Variants in NFATC1 observed in about 807,000 individuals in gnomAD.
NFATC1 encodes nuclear factor of activated T cells 1, also known as nuclear factor of activated T-cells, cytoplasmic 1.
A neutral mutation model predicts 76.0 loss-of-function variants in NFATC1; 22 were observed. The ratio of observed to expected loss-of-function variants is 0.29; its 90% CI spans 0.21 to 0.41. NFATC1 has a LOEUF of 0.41. Among genes scored for constraint, NFATC1 ranks in the 10% least tolerant of loss-of-function variants. The probability of loss-of-function intolerance (pLI) is 1.00; values close to 1 mark genes in which losing one functional copy is unlikely to be tolerated. For synonymous variants in NFATC1, 704 were observed against 613.1 expected (o/e 1.15, Z -2.19); for missense variants, 1,357 against 1,337.7 (o/e 1.01, Z -0.23).
intron 1 of NFATC1, among the ~76,000 whole-genome samples, chr18:79,400,653 C>T (rs938919188): frequency 3.5e-5 from 5 of 142,806 alleles, no homozygotes; most frequent in African/African-American, 1.3e-4. Context: ...GGCTCGGATG[C>T]GGTTCCTCCG....
At chr18:79,406,621 C>T (rs375916632) in intron 1 of NFATC1, among the ~76,000 whole-genome samples, 6 of 152,114 alleles carry the variant, frequency 3.9e-5, no homozygotes, top group South Asian at 2.1e-4. Flanking sequence ...GTTCCTGGGC[C>T]GGTGTATGTA....
At chr18:79,445,636 C>T (rs1037686591) in intron 3 of NFATC1, among the ~76,000 whole-genome samples, 8 of 152,342 alleles carry the variant, frequency 5.3e-5, no homozygotes, top group African/African-American at 1.9e-4. Flanking sequence ...GATTTTCTGT[C>T]CCTGTGTACT....
chr18:79,475,255 C>T (rs189239678), intron 8 of NFATC1, among the ~76,000 whole-genome samples: 1,771 of 149,420 alleles, frequency 0.012, 55 homozygotes, highest in African/African-American at 0.041. Flanking sequence ...TCACCGTCGA[C>T]GTTGTAAACC....
At chr18:79,404,485 CGTTTT>C (rs74707498) in intron 1 of NFATC1, among the ~76,000 whole-genome samples, 17,516 of 152,160 alleles carry the variant, frequency 0.12, 1,188 homozygotes, top group African/African-American at 0.18. Flanking sequence ...CGCCCTGCTT[CGTTTT>C]GTTTTATTTC....
Position 79,528,109 on chromosome 18 carries a change from G to C in NFATC1, c.*532G>C, listed in dbSNP as rs760249583. ...CTCTAGTATGAGTCTCCAACATTTG[G>C]AACGTTTCCTGGGCTGTCACGTACA... On this transcript the variant is annotated 3_prime_UTR_variant, in exon 10 of 10. Coordinates refer to ENST00000427363, the MANE Select transcript of NFATC1 (RefSeq NM_001278669.2). 4 of 399,224 alleles carry C rather than the reference G, an allele frequency of 1.0e-5. No individual in the cohort carries two copies. The highest frequency in any genetic ancestry group is 1.8e-5 in the Non-Finnish European group (4 of 226,932). 24.7% of individuals were successfully genotyped at this position (399,224 alleles called of 1,614,324 possible). A position where few individuals can be genotyped will look rare whatever the true frequency, so the allele number is the denominator to read the frequency against.
intron 6 of NFATC1, 150 bp downstream of exon 6, chr18:79,451,966 G>A (rs918656788): frequency 3.4e-6 from 3 of 885,806 alleles, no homozygotes; most frequent in Non-Finnish European, 4.8e-6. Flanking sequence ...CGTGGCCCGT[G>A]TCTGCATCCG....
chr18:79,406,699 G>C (rs1190062334), intron 1 of NFATC1, among the ~76,000 whole-genome samples: 3 of 152,194 alleles, frequency 2.0e-5, no homozygotes, highest in Non-Finnish European at 4.4e-5. Context: ...TAATGAACAG[G>C]TGGCTCGGCG....
intron 2 of NFATC1, among the ~76,000 whole-genome samples, chr18:79,423,252 G>A (rs927560955): frequency 1.9e-4 from 29 of 152,322 alleles, no homozygotes; most frequent in African/African-American, 7.0e-4. Context: ...CAAAACCTCT[G>A]CACTCCGGCC....
chr18:79,424,739 C>T (rs2086230599), intron 2 of NFATC1, among the ~76,000 whole-genome samples: 1 of 151,492 alleles, frequency 6.6e-6, no homozygotes, highest in South Asian at 2.1e-4. Context: ...CCGTCTCTGT[C>T]TGTGTCTGTC....
intron 8 of NFATC1, among the ~76,000 whole-genome samples, chr18:79,473,775 C>T (rs139283419): frequency 0.023 from 3,513 of 150,262 alleles, 152 homozygotes; most frequent in African/African-American, 0.083. Context: ...CTCACGCTGT[C>T]GACATAAACC....
intron 3 of NFATC1, among the ~76,000 whole-genome samples, chr18:79,444,220 C>T (rs933484084): frequency 3.9e-5 from 6 of 152,122 alleles, no homozygotes; most frequent in African/African-American, 9.7e-5. Context: ...TGTGTGTGCA[C>T]GCTCTGGGGG....
intron 9 of NFATC1, 133 bp downstream of exon 9, chr18:79,487,070 GTCC>G (rs1051583838): frequency 7.5e-6 from 8 of 1,063,300 alleles, no homozygotes; most frequent in Non-Finnish European, 7.8e-6. Flanking sequence ...TGTGGGGTGC[GTCC>G]TCCTGATATA....
At chr18:79,407,582 G>A (rs1002774606) in intron 1 of NFATC1, among the ~76,000 whole-genome samples, 1 of 152,168 alleles carries the variant, frequency 6.6e-6, no homozygotes, top group Non-Finnish European at 1.5e-5. Context: ...CAAGTAGCTG[G>A]GACTACAGGC....
In NFATC1 at chr18:79,396,312, G is replaced by A. The variant is rs368301514; in HGVS notation, c.88G>A (p.Ala30Thr). 8 of 1,421,662 alleles carry A rather than the reference G, an allele frequency of 5.6e-6. No individual in the cohort carries two copies. Among genetic ancestry groups the A allele is most frequent in the Admixed American group, 4.8e-5 (2 of 41,550 alleles). The allele number at this position is 1,421,662 out of a possible 1,614,324, so 88.1% of individuals were successfully genotyped here. A position where few individuals can be genotyped will look rare whatever the true frequency, so the allele number is the denominator to read the frequency against. Residue 30 changes from alanine (A) to threonine (T), a missense_variant, in exon 1 of 10, where the codon GCG becomes ACG. Coordinates refer to ENST00000427363, the MANE Select transcript of NFATC1 (RefSeq NM_001278669.2). ...VFGRGETLGP[A>T]PRAGGTMKSA... ...CGGGAGAGGAGAAACTTTGGGGCCC[G>A]CGCCGCGCGCCGGCGGCACCATGAA...
intron 2 of NFATC1, among the ~76,000 whole-genome samples, chr18:79,412,523 A>G (rs1029246561): frequency 2.0e-5 from 3 of 150,872 alleles, no homozygotes; most frequent in Non-Finnish European, 4.4e-5. Flanking sequence ...AGCGGAGGGC[A>G]GGTGCAGCCC....
At chr18:79,473,723 G>A (rs567315990) in intron 8 of NFATC1, among the ~76,000 whole-genome samples, 13 of 149,022 alleles carry the variant, frequency 8.7e-5, no homozygotes, top group East Asian at 4.1e-4. Flanking sequence ...CAAGGGAAGC[G>A]TGTTCTCACA....
chr18:79,462,204 C>T (rs1423919318), intron 7 of NFATC1, among the ~76,000 whole-genome samples: 4 of 152,208 alleles, frequency 2.6e-5, no homozygotes, highest in Non-Finnish European at 4.4e-5. Context: ...CATCCCTGCG[C>T]TTCTGATCCA....
chr18:79,524,925 G>A lies in NFATC1; in HGVS notation c.2783-2603G>A, dbSNP rs939887387. Among the ~76,000 whole-genome samples the A allele has an allele frequency of 6.6e-5, 10 of 151,900 alleles. No individual in the cohort carries two copies. Among genetic ancestry groups the A allele is most frequent in the Admixed American group, 3.9e-4 (6 of 15,260 alleles). On this transcript the variant is annotated intron_variant, in intron 9 of 9. Coordinates refer to ENST00000427363, the MANE Select transcript of NFATC1 (RefSeq NM_001278669.2). The surrounding 1 kb of genome is among the most constrained non-coding windows in gnomAD (Gnocchi z 7.2). ...CGGCCATGCAGGCGGCCTGTCCCAC[G>A]AACACGATGGAGACCTCAGACGCCG... is the stretch of plus-strand genomic sequence containing the variant.
chr18:79,446,008 G>T (rs1034018301), intron 3 of NFATC1, among the ~76,000 whole-genome samples: 3 of 152,204 alleles, frequency 2.0e-5, no homozygotes, highest in African/African-American at 7.2e-5. Context: ...TTATACCTCG[G>T]CAGTGGAATA....
Sources: gnomAD v4.1 joint callset for allele counts (sites outside exome capture counted in the v4.1 genomes callset) on GRCh38, gnomAD v4.1.1 for gene constraint, Gnocchi (gnomAD v3.1) non-coding constraint, MANE v1.5 for transcripts, NCBI Gene and HGNC (gene_info 2026-07-23, HGNC 2026-07-21) for gene names.